The following VPS41 variants were observed in gnomAD, a reference collection of about 807,000 sequenced individuals.
VPS41 encodes the protein vacuolar protein sorting-associated protein 41 homolog.
Under a neutral mutation model 130.9 loss-of-function variants are expected in VPS41, and 85 were observed. The observed-to-expected ratio is 0.65, with a 90% CI of 0.55 to 0.78. The LOEUF is 0.78. VPS41 is among the 30% of genes least tolerant of loss of function. The pLI is 0.00. For synonymous variants in VPS41, 335 were observed against 332.9 expected (o/e 1.01, Z -0.07); for missense variants, 874 against 1,018.7 (o/e 0.86, Z 1.93).
intron 19 of VPS41, among the ~76,000 whole-genome samples, chr7:38,756,009 C>G (rs1328083623): frequency 6.6e-6 from 1 of 152,116 alleles, no homozygotes; most frequent in African/African-American, 2.4e-5. Context: ...TAGCTCCTAT[C>G]TAAATTAAGT....
At chr7:38,736,875 T>C (rs1297475904) in intron 25 of VPS41, among the ~76,000 whole-genome samples, 1 of 152,086 alleles carries the variant, frequency 6.6e-6, no homozygotes, top group African/African-American at 2.4e-5. Context: ...TTATAGGGAG[T>C]GGCAAATCTC....
chr7:38,847,673 T>C (rs1196326072), intron 4 of VPS41, among the ~76,000 whole-genome samples: 1 of 152,162 alleles, frequency 6.6e-6, no homozygotes, highest in Admixed American at 6.5e-5. Context: ...GCTGCAGAGC[T>C]TTCTGAACAT....
chr7:38,843,498 T>C (rs1562606711), intron 4 of VPS41, among the ~76,000 whole-genome samples: 1 of 151,868 alleles, frequency 6.6e-6, no homozygotes, highest in Non-Finnish European at 1.5e-5. Context: ...TTGGCTAACA[T>C]GGTGAAACCC....
At chr7:38,826,408 A>G (rs1241702090) in intron 5 of VPS41, among the ~76,000 whole-genome samples, 1 of 152,248 alleles carries the variant, frequency 6.6e-6, no homozygotes, top group Non-Finnish European at 1.5e-5. Context: ...CCATGCTTTA[A>G]GAAATATCTT....
In VPS41 at chr7:38,761,387, C is replaced by A. The variant is rs1356870082; in HGVS notation, c.1422+2068G>T. On this transcript the variant is annotated intron_variant, in intron 17 of 28. Transcript: ENST00000310301. The stretch of plus-strand genomic sequence containing the variant: ...GCCTCCTAGGCTCAAGCAAGTCTCT[C>A]GCTTCAGCCTCCCAAATAGCTGGGA... 5.4e-5 allele frequency among the ~76,000 whole-genome samples: 8 copies of A among 148,704 alleles called. No homozygotes were observed. The South Asian group carries it at 1.7e-3, about 32-fold the overall frequency.
At chr7:38,820,628 A>G (rs1330399969) in intron 6 of VPS41, among the ~76,000 whole-genome samples, 1 of 152,248 alleles carries the variant, frequency 6.6e-6, no homozygotes, top group African/African-American at 2.4e-5. Flanking sequence ...GCCTGAATGT[A>G]AAGCCAGCCC....
chr7:38,789,946 T>G (rs1238286721), intron 9 of VPS41, 79 bp from the exon 10 acceptor site: 3 of 1,465,830 alleles, frequency 2.0e-6, no homozygotes, highest in Non-Finnish European at 2.9e-6. Flanking sequence ...TATGGTATCT[T>G]TGTTAAATTA....
chr7:38,898,030 G>A (rs746624135), intron 2 of VPS41, 61 bp downstream of exon 2: 29 of 1,500,626 alleles, frequency 1.9e-5, no homozygotes, highest in South Asian at 1.7e-4. Context: ...GCAAAGAAGC[G>A]CAACTCAAGA....
At chr7:38,853,393 T>C (rs911183245) in intron 4 of VPS41, among the ~76,000 whole-genome samples, 1 of 117,060 alleles carries the variant, frequency 8.5e-6, no homozygotes, top group Non-Finnish European at 1.6e-5. Context: ...CACTCCAGCC[T>C]GGGCGACAGA....
At chr7:38,888,666 G>A (rs182415559) in intron 2 of VPS41, among the ~76,000 whole-genome samples, 1 of 152,060 alleles carries the variant, frequency 6.6e-6, no homozygotes, top group Non-Finnish European at 1.5e-5. Context: ...CAGCTCTGGA[G>A]CAAGCAGACC....
chr7:38,821,228 T>C lies in VPS41; in HGVS notation c.359A>G (p.His120Arg). 1 of 1,613,874 alleles carries C rather than the reference T, an allele frequency of 6.2e-7. No homozygotes were observed. The highest frequency in any genetic ancestry group is 8.5e-7 in the Non-Finnish European group (1 of 1,179,900). Residue 120 changes from histidine (H) to arginine (R), a missense_variant, in exon 6 of 29, where the codon CAC becomes CGC. Physicochemically the swap from His to Arg is conservative, Grantham distance 29. Transcript: ENST00000310301. Reference protein sequence around the residue: ...VFGLYSGEEFHETFDCPIKII... With the variant: ...VFGLYSGEEFRETFDCPIKII... ...TTTAATGGGACAGTCAAAAGTCTCGTGAAATTCTTCTCCAGAATACAGTCC... is the reference window on the plus strand; with the variant it reads ...TTTAATGGGACAGTCAAAAGTCTCGCGAAATTCTTCTCCAGAATACAGTCC...
At chr7:38,736,742 G>A (rs1197027102) in intron 25 of VPS41, among the ~76,000 whole-genome samples, 1 of 152,224 alleles carries the variant, frequency 6.6e-6, no homozygotes, top group Non-Finnish European at 1.5e-5. Context: ...GACACTGCTA[G>A]AATAGAAAGG....
chr7:38,805,561 C>G (rs1467585027), intron 7 of VPS41, among the ~76,000 whole-genome samples: 2 of 129,232 alleles, frequency 1.5e-5, no homozygotes, highest in East Asian at 4.6e-4. Flanking sequence ...CAAAGTAAAG[C>G]CCAAAAGTTG....
chr7:38,831,087 T>C, intron 4 of VPS41: 1 of 414,160 alleles, frequency 2.4e-6, no homozygotes, highest in South Asian at 1.9e-5. Flanking sequence ...ACTTCTATAG[T>C]CTTTGAATAA....
At chr7:38,726,881 G>T (rs763558089) in intron 28 of VPS41, 28 bp downstream of exon 28, 1 of 1,485,650 alleles carries the variant, frequency 6.7e-7, no homozygotes, top group Non-Finnish European at 9.0e-7. Context: ...TTTCCCTCTA[G>T]TTGATAGGTG....
intron 27 of VPS41, 105 bp downstream of exon 27, chr7:38,728,437 G>T: frequency 7.9e-7 from 1 of 1,270,342 alleles, no homozygotes; most frequent in South Asian, 1.2e-5. Context: ...GGGTTATTCT[G>T]AAAGTTATAT....
At chr7:38,860,231 A>G (rs985522440) in intron 4 of VPS41, among the ~76,000 whole-genome samples, 2 of 152,208 alleles carry the variant, frequency 1.3e-5, no homozygotes, top group African/African-American at 4.8e-5. Flanking sequence ...TCAACAAACA[A>G]GGAAAATTTG....
chr7:38,817,701 T>C, intron 7 of VPS41, 116 bp downstream of exon 7: 2 of 888,232 alleles, frequency 2.3e-6, no homozygotes, highest in Non-Finnish European at 1.9e-6. Context: ...TACATTTGTC[T>C]TTCTCGAATT....
chr7:38,889,587 A>G (rs577736101), intron 2 of VPS41, among the ~76,000 whole-genome samples: 3 of 151,728 alleles, frequency 2.0e-5, no homozygotes, highest in African/African-American at 7.2e-5. Context: ...TTAAAACTGA[A>G]GGGAAGATAA....
Sources: allele counts gnomAD v4.1 joint callset (sites outside exome capture counted in the v4.1 genomes callset), GRCh38; gene constraint gnomAD v4.1.1; transcripts MANE v1.5; gene names NCBI Gene and HGNC (gene_info 2026-07-23, HGNC 2026-07-21).